The following CSMD1 variants were observed in gnomAD, a reference collection of about 807,000 sequenced individuals.
CSMD1 encodes CUB and sushi domain-containing protein 1.
In CSMD1, 213 loss-of-function variants were observed where a neutral mutation model predicts 417.5. That is an observed-to-expected ratio of 0.51 (90% CI 0.46 to 0.57). The LOEUF is 0.57. CSMD1 is among the 20% of genes least tolerant of loss of function. The pLI is 0.00. For missense variants in CSMD1, 6,923 were observed against 4,529.7 expected (o/e 1.53, Z -15.17); for synonymous variants, 2,862 against 1,736.8 (o/e 1.65, Z -16.11).
intron 1 of CSMD1, among the ~76,000 whole-genome samples, chr8:4,946,403 G>A (rs781574944): frequency 5.3e-5 from 8 of 152,102 alleles, no homozygotes; most frequent in South Asian, 2.1e-4. Flanking sequence ...CTAGGTCATC[G>A]GTCATTGTCC....
chr8:4,446,619 T>C (rs906064325), intron 2 of CSMD1, among the ~76,000 whole-genome samples: 1 of 152,130 alleles, frequency 6.6e-6, no homozygotes, highest in African/African-American at 2.4e-5. Flanking sequence ...AGCAGCGCGA[T>C]CTCAGCTCAC....
At chr8:3,267,275 T>A (rs569187568) in intron 26 of CSMD1, among the ~76,000 whole-genome samples, 69 of 152,318 alleles carry the variant, frequency 4.5e-4, no homozygotes, top group South Asian at 8.3e-4. Flanking sequence ...GGAAACCCCC[T>A]GATAGCTTTG....
chr8:3,597,333 T>G (rs991386981), intron 8 of CSMD1, among the ~76,000 whole-genome samples: 1 of 152,076 alleles, frequency 6.6e-6, no homozygotes, highest in Non-Finnish European at 1.5e-5. Context: ...GGCATCTCTG[T>G]CTGGTTCCAA....
intron 51 of CSMD1, among the ~76,000 whole-genome samples, chr8:3,025,400 CTGAAACCGTGTATTGTGTGGTGTTA>C (rs1809793997): frequency 6.6e-6 from 1 of 151,574 alleles, no homozygotes; most frequent in Non-Finnish European, 1.5e-5. Context: ...TGGTGTTATT[CTGAAACCGTGTATTGTGTGGTGTTA>C]TTCTGAAACC....
At chr8:4,300,648 A>G (rs1349514832) in intron 3 of CSMD1, among the ~76,000 whole-genome samples, 1 of 152,250 alleles carries the variant, frequency 6.6e-6, no homozygotes, top group African/African-American at 2.4e-5. Flanking sequence ...CTCGTCATTT[A>G]GCATTAGGTA....
intron 1 of CSMD1, among the ~76,000 whole-genome samples, chr8:4,852,868 G>T (rs995569387): frequency 6.6e-6 from 1 of 152,158 alleles, no homozygotes; most frequent in African/African-American, 2.4e-5. Context: ...GAACTTGGTT[G>T]CATTGTTTTC....
At chr8:3,182,577 GCTGT>G (rs1821406936) in intron 36 of CSMD1, among the ~76,000 whole-genome samples, 2 of 110,244 alleles carry the variant, frequency 1.8e-5, no homozygotes, top group African/African-American at 7.5e-5. Flanking sequence ...TTTATAAGAA[GCTGT>G]GTGTGTGTGT....
At chr8:4,735,454 T>C (rs1440773961) in intron 1 of CSMD1, among the ~76,000 whole-genome samples, 2 of 152,212 alleles carry the variant, frequency 1.3e-5, no homozygotes, top group African/African-American at 2.4e-5. Context: ...CTGCAAGTGT[T>C]GTAGGACGAC....
At chr8:3,458,308 T>G (rs1816285661) in intron 12 of CSMD1, among the ~76,000 whole-genome samples, 1 of 152,214 alleles carries the variant, frequency 6.6e-6, no homozygotes, top group South Asian at 2.1e-4. Context: ...TGTGCTGATA[T>G]ATTTAAATAT....
intron 51 of CSMD1, among the ~76,000 whole-genome samples, chr8:3,026,884 G>A (rs1809969459): frequency 6.6e-6 from 1 of 152,176 alleles, no homozygotes; most frequent in Non-Finnish European, 1.5e-5. Context: ...TAGAGGGTCT[G>A]CTGAATGACC....
intron 2 of CSMD1, among the ~76,000 whole-genome samples, chr8:4,528,017 A>C (rs1199888919): frequency 6.6e-6 from 1 of 152,172 alleles, no homozygotes; most frequent in Non-Finnish European, 1.5e-5. Context: ...GTGTGGGATC[A>C]TGTCAGTGCT....
In CSMD1 at chr8:4,712,146, T is replaced by C. The variant is rs938176771; in HGVS notation, c.86-74588A>G. Among the ~76,000 whole-genome samples the C allele has an allele frequency of 3.9e-5, 6 of 152,216 alleles. No homozygotes were observed. In the South Asian group the frequency reaches 6.2e-4, roughly 16 times the overall value. On this transcript the variant is annotated intron_variant, in intron 1 of 69. Transcript: ENST00000635120. ...TGACCGTGGTTGAAGCTGGATGGCA[T>C]AGACCAGTGAACCTCTTCTATTTCA...
intron 10 of CSMD1, among the ~76,000 whole-genome samples, chr8:3,534,997 G>C (rs1798133319): frequency 6.6e-6 from 1 of 152,176 alleles, no homozygotes; most frequent in African/African-American, 2.4e-5. Context: ...GCCCAGGCTG[G>C]AGTGCAGTGG....
intron 2 of CSMD1, among the ~76,000 whole-genome samples, chr8:4,468,594 A>G (rs1003072687): frequency 6.6e-6 from 1 of 152,124 alleles, no homozygotes; most frequent in African/African-American, 2.4e-5. Flanking sequence ...TCAGCCACAA[A>G]TGATTTTTCA....
At chr8:3,648,565 T>C (rs949928615) in intron 7 of CSMD1, among the ~76,000 whole-genome samples, 2 of 152,176 alleles carry the variant, frequency 1.3e-5, no homozygotes, top group Non-Finnish European at 2.9e-5. Context: ...GCACAGAAAA[T>C]TGTTTTGGAA....
At chr8:3,483,060 C>G (rs1342730023) in intron 11 of CSMD1, among the ~76,000 whole-genome samples, 2 of 151,940 alleles carry the variant, frequency 1.3e-5, no homozygotes, top group African/African-American at 4.8e-5. Context: ...GTTCCTACCT[C>G]AAGATTCTAG....
intron 12 of CSMD1, among the ~76,000 whole-genome samples, chr8:3,422,042 ATGTC>A (rs1359361159): frequency 2.0e-5 from 3 of 151,684 alleles, no homozygotes; most frequent in African/African-American, 7.3e-5. Context: ...GTGAGCCACC[ATGTC>A]CAGCCCTGAT....
At chr8:3,945,409 T>G (rs1048036658) in intron 5 of CSMD1, among the ~76,000 whole-genome samples, 6 of 152,000 alleles carry the variant, frequency 3.9e-5, no homozygotes, top group Non-Finnish European at 7.4e-5. Context: ...TTAACTTTTT[T>G]GGGGGGGCAT....
At chr8:3,466,361 G>A (rs1458577126) in intron 12 of CSMD1, among the ~76,000 whole-genome samples, 4 of 151,862 alleles carry the variant, frequency 2.6e-5, no homozygotes, top group South Asian at 2.1e-4. Context: ...ACATCAAAAC[G>A]TAGAACATTT....
Sources: allele counts gnomAD v4.1 joint callset (sites outside exome capture counted in the v4.1 genomes callset), GRCh38; gene constraint gnomAD v4.1.1; transcripts MANE v1.5; gene names NCBI Gene and HGNC (gene_info 2026-07-23, HGNC 2026-07-21).